The following SVOPL variants were observed in gnomAD, a reference collection of about 807,000 sequenced individuals.
SVOPL encodes the protein SVOP like.
A neutral mutation model predicts 61.0 loss-of-function variants in SVOPL; 60 were observed. The ratio of observed to expected loss-of-function variants is 0.98; its 90% CI spans 0.80 to 1.22. The LOEUF (loss-of-function observed/expected upper bound fraction) is 1.22, where lower values mean the gene tolerates loss of function less well. Among genes scored for constraint, SVOPL ranks in the 50% most tolerant of loss-of-function variants. SVOPL has a pLI of 0.00. For missense variants in SVOPL, 662 were observed against 643.9 expected, an observed-to-expected ratio of 1.03 and a Z score of -0.30; for synonymous variants, 279 against 250.0, an observed-to-expected ratio of 1.12 and a Z score of -1.09.
intron 9 of SVOPL, among the ~76,000 whole-genome samples, chr7:138,632,588 G>C (rs1165154186): frequency 6.6e-6 from 1 of 152,000 alleles, no homozygotes; most frequent in African/African-American, 2.4e-5. Flanking sequence ...GGATGGAGAA[G>C]GTGGAGGGAG....
At chr7:138,620,406 C>T (rs1799508782) in intron 14 of SVOPL, among the ~76,000 whole-genome samples, 1 of 144,280 alleles carries the variant, frequency 6.9e-6, no homozygotes, top group Admixed American at 7.1e-5. Context: ...TAGGCATGAG[C>T]TACCGCACCC....
intron 1 of SVOPL, among the ~76,000 whole-genome samples, chr7:138,693,365 A>T (rs1047689774): frequency 3.3e-5 from 5 of 151,762 alleles, no homozygotes; most frequent in East Asian, 1.9e-4. Context: ...AAAATTTTTT[A>T]AAAATTAGCT....
intron 13 of SVOPL, among the ~76,000 whole-genome samples, chr7:138,622,254 G>GTATCTATCTATCTATGTATC (rs1563096785): frequency 6.4e-4 from 34 of 52,810 alleles, no homozygotes; most frequent in Admixed American, 1.2e-3. Flanking sequence ...ATCTATCTAT[G>GTATCTATCTATCTATGTATC]TATCTATCTA....
At chr7:138,668,865 T>C (rs1802343098) in intron 4 of SVOPL, among the ~76,000 whole-genome samples, 1 of 152,194 alleles carries the variant, frequency 6.6e-6, no homozygotes, top group African/African-American at 2.4e-5. Context: ...TCTTACAGAA[T>C]TTGACCTCAA....
chr7:138,637,003 C>A (rs1297633150), intron 9 of SVOPL, among the ~76,000 whole-genome samples: 1 of 152,106 alleles, frequency 6.6e-6, no homozygotes, highest in Non-Finnish European at 1.5e-5. Context: ...ACCTGTCTAT[C>A]CTTTTCTTGA....
At chr7:138,675,358 T>G (rs1802533222) in intron 3 of SVOPL, among the ~76,000 whole-genome samples, 1 of 152,210 alleles carries the variant, frequency 6.6e-6, no homozygotes, top group African/African-American at 2.4e-5. Context: ...ATTTTTTATT[T>G]TATTTTTTTA....
At chr7:138,696,415 T>TTTG (rs542272465) in intron 1 of SVOPL, among the ~76,000 whole-genome samples, 51 of 151,520 alleles carry the variant, frequency 3.4e-4, no homozygotes, top group East Asian at 1.4e-3. Flanking sequence ...GTTGTTGTTG[T>TTTG]TTGTTGTTGT....
chr7:138,597,707 G>T (rs1287849533), intron 14 of SVOPL, among the ~76,000 whole-genome samples: 6 of 150,844 alleles, frequency 4.0e-5, no homozygotes, highest in Non-Finnish European at 8.8e-5. Flanking sequence ...CTCAGAAAAG[G>T]GATAGAAACC....
intron 13 of SVOPL, among the ~76,000 whole-genome samples, chr7:138,623,532 G>A (rs1326027780): frequency 2.6e-5 from 4 of 152,022 alleles, no homozygotes; most frequent in Non-Finnish European, 5.9e-5. Flanking sequence ...CCCGGGAGGT[G>A]GAGCTTGCAG....
At chr7:138,673,678 T>C (rs1185795286) in intron 3 of SVOPL, among the ~76,000 whole-genome samples, 1 of 152,120 alleles carries the variant, frequency 6.6e-6, no homozygotes, top group Non-Finnish European at 1.5e-5. Context: ...ATGTTTGATT[T>C]AGTAAACTCA....
intron 1 of SVOPL, among the ~76,000 whole-genome samples, chr7:138,683,055 T>G (rs1369725306): frequency 6.6e-6 from 1 of 151,994 alleles, no homozygotes; most frequent in Non-Finnish European, 1.5e-5. Context: ...TTAGCAAGTT[T>G]GGAAATTTGA....
intron 14 of SVOPL, among the ~76,000 whole-genome samples, chr7:138,618,303 C>T (rs1799391327): frequency 1.3e-5 from 2 of 152,116 alleles, no homozygotes; most frequent in African/African-American, 4.8e-5. Context: ...TACATTTATT[C>T]ATCTCATTTC....
At chr7:138,667,279 TG>T (rs34374693) in intron 4 of SVOPL, among the ~76,000 whole-genome samples, 2 of 152,220 alleles carry the variant, frequency 1.3e-5, no homozygotes, top group African/African-American at 4.8e-5. Flanking sequence ...AGACCCCCCA[TG>T]GAAAATTCTT....
intron 14 of SVOPL, among the ~76,000 whole-genome samples, chr7:138,599,149 A>C (rs1410627274): frequency 6.8e-5 from 4 of 59,190 alleles, no homozygotes; most frequent in South Asian, 4.6e-4. Flanking sequence ...TCCAAAAAAA[A>C]AAAAAAAACC....
intron 5 of SVOPL, chr7:138,660,193 T>G: frequency 1.5e-6 from 2 of 1,326,734 alleles, no homozygotes; most frequent in Non-Finnish European, 1.9e-6. Flanking sequence ...CCTACCAAGT[T>G]CAGACCATTC....
intron 1 of SVOPL, among the ~76,000 whole-genome samples, chr7:138,692,200 A>G (rs1020783754): frequency 6.6e-6 from 1 of 152,194 alleles, no homozygotes; most frequent in African/African-American, 2.4e-5. Flanking sequence ...TAGCCTTATG[A>G]GTTTCACGTC....
chr7:138,622,664 G>A (rs1799726199), intron 13 of SVOPL, among the ~76,000 whole-genome samples: 1 of 151,056 alleles, frequency 6.6e-6, no homozygotes, highest in Admixed American at 6.6e-5. Flanking sequence ...ACCTCGCTAT[G>A]TTGCCCAGAC....
chr7:138,657,517 G>A (rs1328923624), intron 6 of SVOPL, among the ~76,000 whole-genome samples: 1 of 152,016 alleles, frequency 6.6e-6, no homozygotes, highest in African/African-American at 2.4e-5. Flanking sequence ...CAATTCATGA[G>A]GACAGTCAAG....
intron 9 of SVOPL, among the ~76,000 whole-genome samples, chr7:138,637,491 GAT>G (rs1201179833): frequency 1.3e-4 from 2 of 15,620 alleles, no homozygotes; most frequent in South Asian, 4.5e-3. Context: ...GATATAGATA[GAT>G]ATATATATAT....
Sources: allele counts gnomAD v4.1 joint callset (sites outside exome capture counted in the v4.1 genomes callset), GRCh38; gene constraint gnomAD v4.1.1; transcripts MANE v1.5; gene names NCBI Gene and HGNC (gene_info 2026-07-23, HGNC 2026-07-21).